Variants in NECTIN4 observed in about 807,000 individuals in gnomAD.
NECTIN4 encodes the protein nectin cell adhesion molecule 4.
In NECTIN4, 19 loss-of-function variants were observed where a neutral mutation model predicts 51.7. The ratio of observed to expected loss-of-function variants is 0.37; its 90% CI spans 0.26 to 0.54. The LOEUF (loss-of-function observed/expected upper bound fraction) is 0.54, where lower values mean the gene tolerates loss of function less well. Ranked by LOEUF, NECTIN4 falls within the 20% of genes least tolerant of loss-of-function variation. The pLI is 0.86. For missense variants in NECTIN4, 619 were observed against 662.4 expected (o/e 0.93, Z 0.72); for synonymous variants, 283 against 286.9 (o/e 0.99, Z 0.14).
intron 1 of NECTIN4, among the ~76,000 whole-genome samples, chr1:161,086,606 C>T (rs911361044): frequency 4.6e-5 from 7 of 152,218 alleles, no homozygotes; most frequent in African/African-American, 1.4e-4. Flanking sequence ...AGGGGTGTCT[C>T]GTGGATTTGG....
chr1:161,076,842 GT>G, intron 3 of NECTIN4, among the ~76,000 whole-genome samples: 1 of 152,232 alleles, frequency 6.6e-6, no homozygotes, highest in East Asian at 1.9e-4. Flanking sequence ...AATCCTACTA[GT>G]TCATTCATTT....
chr1:161,089,549 C>A lies in NECTIN4; in HGVS notation c.-253G>T, dbSNP rs1335456207. The A allele has an allele frequency of 1.8e-6, 1 of 541,080 alleles. No individual in the cohort carries two copies. Among genetic ancestry groups the A allele is most frequent in the Non-Finnish European group, 3.3e-6 (1 of 300,404 alleles). The allele number at this position is 541,080 out of a possible 1,614,324, so 33.5% of individuals were successfully genotyped here. A position where few individuals can be genotyped will look rare whatever the true frequency, so the allele number is the denominator to read the frequency against. ...GAGCTGCTTCCCACGCTGTGGCCAA[C>A]AACGACGGCAGAAACCTGGGAACCT... On this transcript the variant is annotated 5_prime_UTR_variant, in exon 1 of 9. Coordinates refer to ENST00000368012, the MANE Select transcript of NECTIN4 (RefSeq NM_030916.3). This position sits in a 1 kb window ranked among gnomAD's most constrained non-coding sequence, Gnocchi z 4.1.
At chr1:161,081,960 C>T (rs915575777) in intron 1 of NECTIN4, among the ~76,000 whole-genome samples, 3 of 152,022 alleles carry the variant, frequency 2.0e-5, no homozygotes, top group South Asian at 2.1e-4. Flanking sequence ...ATGTGGGTTC[C>T]GTCAACATTT....
In NECTIN4 at chr1:161,073,758, G is replaced by T; in HGVS notation, c.1195C>A (p.Arg399=). 6.2e-7 allele frequency: 1 copy of T among 1,614,180 alleles called. No individual in the cohort carries two copies. Among genetic ancestry groups the T allele is most frequent in the Non-Finnish European group, 8.5e-7 (1 of 1,180,014 alleles). The change falls in exon 7 of 9, where the codon CGG becomes AGG. Residue 399 remains arginine (R), a synonymous_variant. Coordinates refer to ENST00000368012, the MANE Select transcript of NECTIN4 (RefSeq NM_030916.3). The part of the protein sequence containing the change: ...ELTLTRENSI[R]RLHSHHTDPR... ...TCCGTGTGATGGGAATGCAGCCTCC[G>T]GATGGAGTTCTCCCTGGTCAGGGTC...
rs376931373 is a variant in NECTIN4 at position 161,078,290 on chromosome 1, G to A, written c.440-547C>T. ...GAAACTATAAAAACCTTTATTTTAT[G>A]TATTTATTTATTTATTTATTTATTT... is the stretch of plus-strand genomic sequence containing the variant. On this transcript the variant is annotated intron_variant, in intron 2 of 8. Coordinates refer to ENST00000368012, the MANE Select transcript of NECTIN4 (RefSeq NM_030916.3). 7.3e-5 allele frequency among the ~76,000 whole-genome samples: 11 copies of A among 150,256 alleles called. No homozygotes were observed. In the South Asian group the frequency reaches 2.1e-3, roughly 29 times the overall value.
At position 161,089,477 on chromosome 1, in the gene NECTIN4, C is replaced by T. The variant is rs550780606; in HGVS notation, c.-181G>A. The T allele has an allele frequency of 4.6e-5, 29 of 632,550 alleles. No homozygotes were observed. Among genetic ancestry groups the T allele is most frequent in the Middle Eastern group, 4.2e-4 (1 of 2,358 alleles). The allele number at this position is 632,550 out of a possible 1,614,324, so 39.2% of individuals were successfully genotyped here. ...CCCGGCCCCGTTCTACACACCCAGC[C>T]GTAGCTACCCCCAAGAAGCCGTGAT... On this transcript the variant is annotated 5_prime_UTR_variant, in exon 1 of 9. Coordinates refer to ENST00000368012, the MANE Select transcript of NECTIN4 (RefSeq NM_030916.3). The surrounding 1 kb of genome is among the most constrained non-coding windows in gnomAD (Gnocchi z 4.1).
Position 161,089,237 on chromosome 1 carries a change from TAGCAGC to T in NECTIN4, c.54_59del (p.Leu21_Leu22del). 1 of 1,612,808 alleles carries T rather than the reference TAGCAGC, an allele frequency of 6.2e-7. No homozygotes were observed. The highest frequency in any genetic ancestry group is 1.1e-5 in the South Asian group (1 of 91,068). Reference sequence around the variant, plus strand: ...TCCTACCTGTAAATGATGCCAGCAGTAGCAGCAGCAGCAGCCAGGCCTCAGGCCCCC... The same window carrying T: ...TCCTACCTGTAAATGATGCCAGCAGTAGCAGCAGCCAGGCCTCAGGCCCCC... On this transcript the variant is annotated inframe_deletion, in exon 1 of 9. Transcript: ENST00000368012. The surrounding 1 kb of genome is among the most constrained non-coding windows in gnomAD (Gnocchi z 4.1).
At chr1:161,079,557 C>A (rs768537218) in intron 2 of NECTIN4, 33 bp downstream of exon 2, 2 of 1,599,928 alleles carry the variant, frequency 1.3e-6, no homozygotes, top group Non-Finnish European at 8.5e-7. Flanking sequence ...GCATCCACAG[C>A]GGCTCAGACC....
At chr1:161,076,520 G>C in intron 3 of NECTIN4, 45 bp from the exon 4 acceptor site, 1 of 1,611,376 alleles carries the variant, frequency 6.2e-7, no homozygotes, top group Non-Finnish European at 8.5e-7. Flanking sequence ...TGATGCCTTT[G>C]ATCATGTGGT....
intron 6 of NECTIN4, 61 bp downstream of exon 6, chr1:161,074,156 C>T (rs1571144407): frequency 2.5e-6 from 4 of 1,606,772 alleles, no homozygotes; most frequent in East Asian, 2.2e-5. Flanking sequence ...GGCCCACCTC[C>T]TGCTATCCTC....
At position 161,079,669 on chromosome 1, in the gene NECTIN4, C is replaced by G. The variant is rs769835493; in HGVS notation, c.360G>C (p.Ala120=). Reference sequence around the variant, plus strand: ...CCCGGCACTCGTACTCGCCCTCATCCGCCTGCACTGCGTTGCGCAGGAGCA... The same window carrying G: ...CCCGGCACTCGTACTCGCCCTCATCGGCCTGCACTGCGTTGCGCAGGAGCA... ...GSVLLRNAVQ[A]DEGEYECRVS... The change falls in exon 2 of 9, where the codon GCG becomes GCC. Residue 120 remains alanine, a synonymous_variant. Coordinates refer to ENST00000368012, the MANE Select transcript of NECTIN4 (RefSeq NM_030916.3). The G allele has an allele frequency of 1.7e-5, 28 of 1,606,774 alleles. No homozygotes were observed. The highest frequency in any genetic ancestry group is 2.7e-5 in the African/African-American group (2 of 74,942).
intron 1 of NECTIN4, among the ~76,000 whole-genome samples, chr1:161,081,265 G>T (rs531014469): frequency 7.2e-5 from 11 of 152,182 alleles, no homozygotes; most frequent in African/African-American, 2.4e-4. Context: ...GTCACTAAAG[G>T]TTCCTTAGCC....
intron 1 of NECTIN4, among the ~76,000 whole-genome samples, chr1:161,081,938 G>A (rs765320679): frequency 2.0e-5 from 3 of 151,884 alleles, no homozygotes; most frequent in Non-Finnish European, 4.4e-5. Flanking sequence ...TTCTGATTTA[G>A]TGCTCAGTGG....
Position 161,077,505 on chromosome 1 carries a change from G to C in NECTIN4, c.678C>G (p.Ser226=), listed in dbSNP as rs777457445. 4 of 1,614,084 alleles carry C rather than the reference G, an allele frequency of 2.5e-6. No homozygotes were observed. The highest frequency in any genetic ancestry group is 3.4e-6 in the Non-Finnish European group (4 of 1,180,024). Residue 226 remains serine (S), a synonymous_variant, in exon 3 of 9, where the codon TCC becomes TCG. Transcript: ENST00000368012. Reference sequence around the variant, plus strand: ...TTTGGTCCTGGAGCAGGCCAGGATGGGACACCACACAAGTCAGTGGCTGCC... The same window carrying C: ...TTTGGTCCTGGAGCAGGCCAGGATGCGACACCACACAAGTCAGTGGCTGCC... ...MNGQPLTCVV[S]HPGLLQDQRI...
At position 161,071,849 on chromosome 1, in the gene NECTIN4, AT is replaced by A. The variant is rs1653179340; in HGVS notation, c.*811del. The A allele has an allele frequency of 1.3e-5, 2 of 152,110 alleles. No individual in the cohort carries two copies. The highest frequency in any genetic ancestry group is 2.1e-4 in the South Asian group (1 of 4,818). The allele number at this position is 152,110 out of a possible 1,614,324, so 9.4% of individuals were successfully genotyped here. A position where few individuals can be genotyped will look rare whatever the true frequency, so the allele number is the denominator to read the frequency against. On this transcript the variant is annotated 3_prime_UTR_variant, in exon 9 of 9. Coordinates refer to ENST00000368012, the MANE Select transcript of NECTIN4 (RefSeq NM_030916.3). Reference sequence around the variant, plus strand: ...AGTGAGACTCCATCTCTAAAAAAAAATAAAAATAAAAATAAATAAAAAATAC... The same window carrying A: ...AGTGAGACTCCATCTCTAAAAAAAAAAAAAATAAAAATAAATAAAAAATAC...
chr1:161,076,537 A>T, intron 3 of NECTIN4, 62 bp from the exon 4 acceptor site: 1 of 1,605,570 alleles, frequency 6.2e-7, no homozygotes, highest in Non-Finnish European at 8.5e-7. Context: ...TGGTACCTCA[A>T]AGGGCCCTGC....
intron 1 of NECTIN4, among the ~76,000 whole-genome samples, chr1:161,086,690 G>A (rs142931782): frequency 6.7e-4 from 102 of 152,314 alleles, no homozygotes; most frequent in Admixed American, 1.2e-3. Context: ...AACCCATTAA[G>A]GAGAGACAAA....
chr1:161,078,476 T>C (rs1347005879), intron 2 of NECTIN4, among the ~76,000 whole-genome samples: 1 of 151,692 alleles, frequency 6.6e-6, no homozygotes, highest in Non-Finnish European at 1.5e-5. Flanking sequence ...CCCAGCTGAT[T>C]TTTGTATTTT....
intron 5 of NECTIN4, 48 bp from the exon 6 acceptor site, chr1:161,074,421 C>T (rs767047399): frequency 6.2e-7 from 1 of 1,613,466 alleles, no homozygotes; most frequent in South Asian, 1.1e-5. Context: ...CAGCCACAAC[C>T]CACCCCAGAC....
Sources: allele counts gnomAD v4.1 joint callset (sites outside exome capture counted in the v4.1 genomes callset), GRCh38; gene constraint gnomAD v4.1.1; non-coding constraint Gnocchi (gnomAD v3.1); transcripts MANE v1.5; gene names NCBI Gene and HGNC (gene_info 2026-07-23, HGNC 2026-07-21).